Variants in TGFB2 observed in about 807,000 individuals in gnomAD.
The protein encoded by TGFB2 is transforming growth factor beta-2 proprotein.
TGFB2 carries 13 observed loss-of-function variants against 42.7 expected under a neutral mutation model. The observed-to-expected ratio is 0.30, with a 90% CI of 0.20 to 0.48. The LOEUF is 0.48. Ranked by LOEUF, TGFB2 falls within the 20% of genes least tolerant of loss-of-function variation. The pLI, the probability that TGFB2 is intolerant of heterozygous loss-of-function variation, is 0.99. For missense variants in TGFB2, 390 were observed against 517.5 expected (o/e 0.75, Z 2.39); for synonymous variants, 193 against 193.6 (o/e 1.00, Z 0.03).
intron 2 of TGFB2, among the ~76,000 whole-genome samples, chr1:218,416,996 C>T (rs1348798310): frequency 6.6e-6 from 1 of 152,220 alleles, no homozygotes; most frequent in African/African-American, 2.4e-5. Context: ...AAACCCTTTT[C>T]TCTTATAAAT....
chr1:218,426,988 G>A (rs1299114049), intron 2 of TGFB2, among the ~76,000 whole-genome samples: 1 of 152,058 alleles, frequency 6.6e-6, no homozygotes, highest in African/African-American at 2.4e-5. Context: ...TTCTGAAGTA[G>A]AGATGTTTAA....
chr1:218,364,274 C>T (rs988788253), intron 1 of TGFB2, among the ~76,000 whole-genome samples: 8 of 152,324 alleles, frequency 5.3e-5, no homozygotes, highest in Admixed American at 1.3e-4. Context: ...CCCTGACCCT[C>T]GGAGCAGGTG....
At chr1:218,436,283 C>A in intron 5 of TGFB2, 136 bp downstream of exon 5, 1 of 772,776 alleles carries the variant, frequency 1.3e-6, no homozygotes, top group Non-Finnish European at 2.0e-6. Context: ...GCTCCTGTGT[C>A]TCATAATACC....
At chr1:218,440,608 A>T (rs1660120974) in intron 6 of TGFB2, among the ~76,000 whole-genome samples, 2 of 152,208 alleles carry the variant, frequency 1.3e-5, no homozygotes, top group South Asian at 4.1e-4. Flanking sequence ...GGTAGATTAA[A>T]GCTCTTATGA....
At chr1:218,398,524 TG>T (rs1173472721) in intron 1 of TGFB2, among the ~76,000 whole-genome samples, 2 of 152,262 alleles carry the variant, frequency 1.3e-5, no homozygotes, top group Middle Eastern at 3.4e-3. Flanking sequence ...TATTCAGTTT[TG>T]TTTTTTTATT....
At chr1:218,375,741 T>G (rs1457247901) in intron 1 of TGFB2, among the ~76,000 whole-genome samples, 2 of 152,042 alleles carry the variant, frequency 1.3e-5, no homozygotes, top group East Asian at 3.9e-4. Context: ...GAAGATAATA[T>G]TGGAGATAGT....
intron 1 of TGFB2, among the ~76,000 whole-genome samples, chr1:218,394,113 G>T (rs980720981): frequency 7.9e-5 from 12 of 152,036 alleles, no homozygotes; most frequent in Middle Eastern, 3.2e-3. Flanking sequence ...GTTTCACTGC[G>T]TTAGCCAGGA....
intron 2 of TGFB2, among the ~76,000 whole-genome samples, chr1:218,408,794 C>A (rs994564843): frequency 3.3e-5 from 5 of 152,180 alleles, no homozygotes; most frequent in Admixed American, 6.5e-5. Flanking sequence ...CAGTCCCCAG[C>A]CTTTTTGGCA....
At chr1:218,427,997 T>C (rs1169741166) in intron 2 of TGFB2, among the ~76,000 whole-genome samples, 1 of 152,208 alleles carries the variant, frequency 6.6e-6, no homozygotes, top group African/African-American at 2.4e-5. Flanking sequence ...CAGCACCTGT[T>C]GTTTCCTGAC....
chr1:218,403,079 C>A (rs1340043938), intron 1 of TGFB2, among the ~76,000 whole-genome samples: 1 of 152,222 alleles, frequency 6.6e-6, no homozygotes, highest in Non-Finnish European at 1.5e-5. Context: ...AGCCTTTCTG[C>A]GTGCACCAGT....
At chr1:218,360,236 G>A (rs1182203959) in intron 1 of TGFB2, among the ~76,000 whole-genome samples, 1 of 152,178 alleles carries the variant, frequency 6.6e-6, no homozygotes, top group Non-Finnish European at 1.5e-5. Context: ...ACATACTCTG[G>A]AAACACTGTG....
At chr1:218,412,228 A>G (rs999052054) in intron 2 of TGFB2, among the ~76,000 whole-genome samples, 3 of 152,250 alleles carry the variant, frequency 2.0e-5, no homozygotes, top group Non-Finnish European at 2.9e-5. Context: ...AGATACTCTT[A>G]GAGCAAAAGC....
At chr1:218,418,445 C>T (rs1659350442) in intron 2 of TGFB2, among the ~76,000 whole-genome samples, 1 of 152,210 alleles carries the variant, frequency 6.6e-6, no homozygotes, top group Non-Finnish European at 1.5e-5. Flanking sequence ...AAGTAACTAA[C>T]TTGCTTTTGA....
chr1:218,380,668 T>C (rs1338440935), intron 1 of TGFB2, among the ~76,000 whole-genome samples: 1 of 152,144 alleles, frequency 6.6e-6, no homozygotes. Flanking sequence ...GTGTAATATT[T>C]ACCAGATTTT....
chr1:218,436,095 C>T lies in TGFB2; in HGVS notation c.880C>T (p.Gln294Ter). ...MLLPSYRLES[Q>*]QTNRRKKRAL... ...ATTGCCCTCCTACAGACTTGAGTCA[C>T]AACAGACCAACCGGCGGAAGAAGCG... Residue 294 changes from glutamine to a stop codon, truncating the protein, a stop_gained, in exon 5 of 7, where the codon CAA becomes TAA. Coordinates refer to ENST00000366930, the MANE Select transcript of TGFB2 (RefSeq NM_003238.6). LOFTEE classifies it high-confidence loss of function. 6.2e-7 allele frequency: 1 copy of T among 1,614,086 alleles called. No individual in the cohort carries two copies. The highest frequency in any genetic ancestry group is 8.5e-7 in the Non-Finnish European group (1 of 1,179,966).
intron 1 of TGFB2, among the ~76,000 whole-genome samples, chr1:218,370,170 A>G (rs1013070483): frequency 6.6e-6 from 1 of 152,236 alleles, no homozygotes; most frequent in African/African-American, 2.4e-5. Context: ...AGCATCTGAG[A>G]GGCCAGAAAA....
chr1:218,434,480 A>T, intron 4 of TGFB2, 32 bp downstream of exon 4: 12 of 1,309,256 alleles, frequency 9.2e-6, no homozygotes, highest in Non-Finnish European at 1.2e-5. Flanking sequence ...GAGGTGGGGG[A>T]GGGAAGGGTC....
chr1:218,407,570 C>T (rs1571877382), intron 2 of TGFB2, among the ~76,000 whole-genome samples: 1 of 152,180 alleles, frequency 6.6e-6, no homozygotes, highest in African/African-American at 2.4e-5. Context: ...CTATGCTGAG[C>T]AAAGACTCAG....
At chr1:218,367,536 A>G (rs976854821) in intron 1 of TGFB2, among the ~76,000 whole-genome samples, 8 of 152,224 alleles carry the variant, frequency 5.3e-5, no homozygotes, top group African/African-American at 1.9e-4. Context: ...ACTGTACAGT[A>G]TGGATATTCT....
Sources: allele counts gnomAD v4.1 joint callset (sites outside exome capture counted in the v4.1 genomes callset), GRCh38; gene constraint gnomAD v4.1.1; transcripts MANE v1.5; gene names NCBI Gene and HGNC (gene_info 2026-07-23, HGNC 2026-07-21).